Variants in SUMF1 observed in about 807,000 individuals in gnomAD.
The protein encoded by SUMF1 is formylglycine-generating enzyme.
In SUMF1, 48 loss-of-function variants were observed where a neutral mutation model predicts 47.6. The ratio of observed to expected loss-of-function variants is 1.01; its 90% CI spans 0.80 to 1.28. The LOEUF is 1.28. SUMF1 is among the 50% of genes most tolerant of loss of function. SUMF1 has a pLI of 0.00. For synonymous variants in SUMF1, 230 were observed against 192.1 expected (o/e 1.20, Z -1.63); for missense variants, 571 against 485.4 (o/e 1.18, Z -1.66).
chr3:4,459,832 T>G (rs2079763868), intron 1 of SUMF1, among the ~76,000 whole-genome samples: 1 of 152,204 alleles, frequency 6.6e-6, no homozygotes, highest in Admixed American at 6.5e-5. Flanking sequence ...CCAAGTCATC[T>G]ATCTTCCATT....
intron 8 of SUMF1, among the ~76,000 whole-genome samples, chr3:4,341,380 T>G (rs539688997): frequency 6.6e-6 from 1 of 152,194 alleles, no homozygotes; most frequent in African/African-American, 2.4e-5. Context: ...AAGGGCATTT[T>G]GGTTTTTTTA....
chr3:4,197,551 T>C (rs1306287611), intron 8 of SUMF1, among the ~76,000 whole-genome samples: 2 of 152,142 alleles, frequency 1.3e-5, no homozygotes, highest in South Asian at 2.1e-4. Context: ...GAAATTACCC[T>C]GCTTCTCTGG....
intron 8 of SUMF1, among the ~76,000 whole-genome samples, chr3:4,131,372 T>A (rs1693784246): frequency 6.6e-6 from 1 of 152,120 alleles, no homozygotes; most frequent in Non-Finnish European, 1.5e-5. Flanking sequence ...GAGTTCCCTA[T>A]GATCAGTTGA....
At chr3:4,313,412 A>G (rs768446218) in intron 8 of SUMF1, 1 of 1,614,064 alleles carries the variant, frequency 6.2e-7, no homozygotes, top group South Asian at 1.1e-5. Context: ...TTCCTTAATC[A>G]TTCTTGTGAG....
intron 7 of SUMF1, among the ~76,000 whole-genome samples, chr3:4,388,384 A>G (rs1700741602): frequency 6.6e-6 from 1 of 151,948 alleles, no homozygotes; most frequent in Non-Finnish European, 1.5e-5. Context: ...AGCCACTCTG[A>G]CTTTCCTTTG....
intron 8 of SUMF1, among the ~76,000 whole-genome samples, chr3:4,296,988 T>C (rs1241711418): frequency 6.6e-6 from 1 of 152,178 alleles, no homozygotes; most frequent in Non-Finnish European, 1.5e-5. Context: ...GCTTTATTTT[T>C]CTCTTGGAAG....
At chr3:4,415,226 CAAAAAA>C in intron 6 of SUMF1, among the ~76,000 whole-genome samples, 1 of 78,318 alleles carries the variant, frequency 1.3e-5, no homozygotes, top group Admixed American at 1.4e-4. Context: ...GACTCCATCT[CAAAAAA>C]AAAAAAAAAA....
At chr3:4,130,061 G>A (rs1693750346) in intron 8 of SUMF1, among the ~76,000 whole-genome samples, 1 of 152,178 alleles carries the variant, frequency 6.6e-6, no homozygotes, top group Admixed American at 6.5e-5. Context: ...TGGAAGGACT[G>A]CAGAGATTAG....
chr3:4,312,901 A>G, intron 8 of SUMF1: 1 of 1,608,636 alleles, frequency 6.2e-7, no homozygotes, highest in Non-Finnish European at 8.5e-7. Context: ...TTTACAGTAC[A>G]CTCCTGATCA....
chr3:4,112,072 GTTTT>G (rs1323087962), intron 8 of SUMF1, among the ~76,000 whole-genome samples: 2 of 151,984 alleles, frequency 1.3e-5, no homozygotes, highest in African/African-American at 4.8e-5. Context: ...CCCTCATTTT[GTTTT>G]TTTATTTCTA....
chr3:4,456,530 C>A (rs562996873), intron 1 of SUMF1, among the ~76,000 whole-genome samples: 107 of 146,924 alleles, frequency 7.3e-4, no homozygotes, highest in Middle Eastern at 3.5e-3. Flanking sequence ...CGGCTCACTG[C>A]AAACTCTGCC....
At chr3:4,090,952 G>A (rs1367349393) in intron 8 of SUMF1, among the ~76,000 whole-genome samples, 2 of 151,874 alleles carry the variant, frequency 1.3e-5, no homozygotes, top group African/African-American at 2.4e-5. Context: ...GTGGAGGCAC[G>A]CACCCATAAT....
At chr3:4,429,631 G>A (rs1702174136) in intron 3 of SUMF1, among the ~76,000 whole-genome samples, 1 of 152,136 alleles carries the variant, frequency 6.6e-6, no homozygotes, top group Non-Finnish European at 1.5e-5. Context: ...TTGTTGCAAA[G>A]GCAGCACAGG....
intron 8 of SUMF1, among the ~76,000 whole-genome samples, chr3:4,371,285 T>G (rs1239796560): frequency 6.6e-6 from 1 of 152,200 alleles, no homozygotes; most frequent in East Asian, 1.9e-4. Context: ...AGGACCTGTT[T>G]TAGTCCTATT....
intron 8 of SUMF1, among the ~76,000 whole-genome samples, chr3:4,109,594 T>G (rs1693244160): frequency 6.6e-6 from 1 of 152,142 alleles, no homozygotes; most frequent in African/African-American, 2.4e-5. Context: ...TTTCACATAG[T>G]CCCATATTTC....
intron 8 of SUMF1, among the ~76,000 whole-genome samples, chr3:4,348,914 G>T (rs1699430482): frequency 1.3e-5 from 2 of 152,024 alleles, no homozygotes; most frequent in Non-Finnish European, 2.9e-5. Flanking sequence ...GAAAACCTAG[G>T]CAATACCATT....
intron 8 of SUMF1, among the ~76,000 whole-genome samples, chr3:4,168,208 T>C (rs1694754905): frequency 6.6e-6 from 1 of 152,164 alleles, no homozygotes; most frequent in South Asian, 2.1e-4. Flanking sequence ...CCATGTGGTC[T>C]GAACCTTAAG....
intron 8 of SUMF1, among the ~76,000 whole-genome samples, chr3:4,280,814 C>CGTGTGTGTGTGGTGT (rs1697512471): frequency 1.4e-5 from 2 of 138,034 alleles, no homozygotes; most frequent in Non-Finnish European, 1.6e-5. Context: ...TGGCATTCAC[C>CGTGTGTGTGTGGTGT]GTGTGTGTGT....
At chr3:4,456,115 C>T (rs1044607724) in intron 1 of SUMF1, among the ~76,000 whole-genome samples, 1 of 152,124 alleles carries the variant, frequency 6.6e-6, no homozygotes, top group Non-Finnish European at 1.5e-5. Flanking sequence ...GAATGAAGGA[C>T]AAAACCAAAT....
Sources: gnomAD v4.1 joint callset for allele counts (sites outside exome capture counted in the v4.1 genomes callset) on GRCh38, gnomAD v4.1.1 for gene constraint, MANE v1.5 for transcripts, NCBI Gene and HGNC (gene_info 2026-07-23, HGNC 2026-07-21) for gene names.